The following RANBP2 variants were observed in gnomAD, a reference collection of about 807,000 sequenced individuals.
The protein encoded by RANBP2 is E3 SUMO-protein ligase RanBP2.
Under a neutral mutation model 303.6 loss-of-function variants are expected in RANBP2, and 57 were observed. The ratio of observed to expected loss-of-function variants is 0.19; its 90% CI spans 0.15 to 0.23. RANBP2 has a LOEUF of 0.23. Among genes scored for constraint, RANBP2 ranks in the 10% least tolerant of loss-of-function variants. The pLI is 1.00. For synonymous variants in RANBP2, 1,167 were observed against 1,301.5 expected, an observed-to-expected ratio of 0.90 and a Z score of 2.23; for missense variants, 3,138 against 3,780.8, an observed-to-expected ratio of 0.83 and a Z score of 4.46.
At chr2:108,893,936 A>G in the RANBP2 span, among the ~76,000 whole-genome samples, 9 of 152,152 alleles carry the variant, frequency 5.9e-5, no homozygotes, top group African/African-American at 2.4e-5. Flanking sequence ...TCCCATTGCA[A>G]TGCCCTATTC....
chr2:109,476,151 C>T, the RANBP2 span, among the ~76,000 whole-genome samples: 7 of 152,300 alleles, frequency 4.6e-5, no homozygotes, highest in African/African-American at 1.7e-4. Context: ...TGCTTATTAG[C>T]ACAGCAAAGG....
At chr2:109,293,808 G>A in the RANBP2 span, among the ~76,000 whole-genome samples, 1 of 152,236 alleles carries the variant, frequency 6.6e-6, no homozygotes, top group Non-Finnish European at 1.5e-5. Context: ...TTTTGTTACA[G>A]ATCAGGAGTC....
the RANBP2 span, among the ~76,000 whole-genome samples, chr2:108,830,176 A>AT: frequency 2.0e-5 from 3 of 152,206 alleles, no homozygotes; most frequent in Non-Finnish European, 2.9e-5. Flanking sequence ...ATATGAGATG[A>AT]TTCTGCTTCC....
chr2:108,726,072 G>C (rs913288463), intron 1 of RANBP2, among the ~76,000 whole-genome samples: 6 of 152,000 alleles, frequency 3.9e-5, no homozygotes, highest in Admixed American at 6.6e-5. Flanking sequence ...GTTTTACTTA[G>C]CTGTGTCACC....
the RANBP2 span, among the ~76,000 whole-genome samples, chr2:109,186,096 A>G: frequency 3.3e-5 from 5 of 152,182 alleles, no homozygotes; most frequent in African/African-American, 9.6e-5. Context: ...GGGTGATTTT[A>G]ACTTCAGGAG....
the RANBP2 span, chr2:108,930,074 G>A: frequency 2.5e-6 from 4 of 1,587,124 alleles, no homozygotes; most frequent in East Asian, 4.5e-5. Flanking sequence ...CAAGCAGGAG[G>A]CCTCCCCTGA....
At chr2:109,182,097 T>C in the RANBP2 span, among the ~76,000 whole-genome samples, 16 of 152,214 alleles carry the variant, frequency 1.1e-4, no homozygotes, top group African/African-American at 3.9e-4. Context: ...TTGCTTCACC[T>C]GTTGAAGCAT....
the RANBP2 span, among the ~76,000 whole-genome samples, chr2:109,650,286 G>A: frequency 2.6e-5 from 4 of 152,142 alleles, no homozygotes; most frequent in Admixed American, 6.6e-5. Flanking sequence ...AGCAAACAAC[G>A]GGAAGGTAAG....
the RANBP2 span, among the ~76,000 whole-genome samples, chr2:109,521,795 T>G: frequency 6.6e-6 from 1 of 152,214 alleles, no homozygotes; most frequent in Admixed American, 6.5e-5. Flanking sequence ...TTGGGGGTTG[T>G]GCTTTTGACA....
the RANBP2 span, among the ~76,000 whole-genome samples, chr2:109,298,819 A>T: frequency 6.6e-6 from 1 of 152,284 alleles, no homozygotes; most frequent in East Asian, 1.9e-4. Flanking sequence ...CTGCCACCAG[A>T]GGGTCCTGTT....
At chr2:109,073,222 T>G in the RANBP2 span, among the ~76,000 whole-genome samples, 1 of 151,874 alleles carries the variant, frequency 6.6e-6, no homozygotes, top group Non-Finnish European at 1.5e-5. Context: ...TATTAAAAAG[T>G]GCCAAACAGA....
At chr2:108,743,826 C>A (rs185501194) in intron 7 of RANBP2, among the ~76,000 whole-genome samples, 3 of 152,202 alleles carry the variant, frequency 2.0e-5, no homozygotes, top group Non-Finnish European at 2.9e-5. Flanking sequence ...CACAGAGATA[C>A]CTACTTCAGT....
At chr2:109,201,828 A>G in the RANBP2 span, among the ~76,000 whole-genome samples, 1 of 152,196 alleles carries the variant, frequency 6.6e-6, no homozygotes, top group Admixed American at 6.5e-5. Context: ...GGTTATTTAA[A>G]TGGGGCATAG....
At chr2:108,859,763 A>G in the RANBP2 span, among the ~76,000 whole-genome samples, 1 of 151,808 alleles carries the variant, frequency 6.6e-6, no homozygotes, top group African/African-American at 2.4e-5. Context: ...TTTTTACTTA[A>G]GTTTGTTTTG....
At chr2:109,216,252 TTCTC>T in the RANBP2 span, among the ~76,000 whole-genome samples, 1 of 152,182 alleles carries the variant, frequency 6.6e-6, no homozygotes, top group Admixed American at 6.5e-5. Flanking sequence ...CCTAACTACT[TTCTC>T]TCTGGCCAGC....
chr2:109,033,955 CAA>C, the RANBP2 span, among the ~76,000 whole-genome samples: 177 of 106,700 alleles, frequency 1.7e-3, no homozygotes, highest in African/African-American at 3.2e-3. Context: ...ACCCTGACTC[CAA>C]AAAAAAAAAA....
the RANBP2 span, chr2:109,614,178 T>G: frequency 3.4e-6 from 4 of 1,163,388 alleles, no homozygotes; most frequent in African/African-American, 4.8e-5. Flanking sequence ...TGCGGAGCAG[T>G]GATTGCGGCC....
chr2:108,853,767 C>T, the RANBP2 span, among the ~76,000 whole-genome samples: 1 of 143,964 alleles, frequency 6.9e-6, no homozygotes, highest in Non-Finnish European at 1.5e-5. Context: ...CTGAAGCTGT[C>T]TTCCCCTCTT....
chr2:109,128,930 C>T, the RANBP2 span: 24 of 380,320 alleles, frequency 6.3e-5, 1 homozygote, highest in Admixed American at 3.7e-4. Context: ...GCAGGCACGG[C>T]GCCTCCTTCC....
Sources: allele counts gnomAD v4.1 joint callset (sites outside exome capture counted in the v4.1 genomes callset), GRCh38; gene constraint gnomAD v4.1.1; transcripts MANE v1.5; gene names NCBI Gene and HGNC (gene_info 2026-07-23, HGNC 2026-07-21).